The following MAF variants were observed in gnomAD, a reference collection of about 807,000 sequenced individuals.
MAF encodes the protein transcription factor Maf.
In MAF, 10 loss-of-function variants were observed where a neutral mutation model predicts 22.0. That is an observed-to-expected ratio of 0.45 (90% CI 0.28 to 0.77). MAF has a LOEUF of 0.77. Among genes scored for constraint, MAF ranks in the 30% least tolerant of loss-of-function variants. The pLI is 0.12. For synonymous variants in MAF, 337 were observed against 255.8 expected, an observed-to-expected ratio of 1.32 and a Z score of -3.03; for missense variants, 544 against 548.4, an observed-to-expected ratio of 0.99 and a Z score of 0.08.
At chr16:79,454,304 G>A in the MAF span, among the ~76,000 whole-genome samples, 5 of 152,266 alleles carry the variant, frequency 3.3e-5, no homozygotes, top group East Asian at 1.9e-4. Context: ...AAATGGTGGG[G>A]CATCAGGGTG....
intron 1 of MAF, chr16:79,594,987 C>A: frequency 1.9e-6 from 2 of 1,078,326 alleles, no homozygotes; most frequent in African/African-American, 1.6e-5. Flanking sequence ...CATGAGATAA[C>A]TGCAATAACT....
chr16:79,288,481 A>G, the MAF span, among the ~76,000 whole-genome samples: 1 of 152,166 alleles, frequency 6.6e-6, no homozygotes, highest in Non-Finnish European at 1.5e-5. Context: ...GGGAGTCATC[A>G]CAGTTTAGCT....
chr16:79,568,305 T>C, the MAF span, among the ~76,000 whole-genome samples: 2 of 152,298 alleles, frequency 1.3e-5, no homozygotes, highest in Admixed American at 6.5e-5. Flanking sequence ...TGGGTTCCTG[T>C]TGTAACTCAC....
At chr16:79,547,153 A>C in the MAF span, among the ~76,000 whole-genome samples, 2 of 152,034 alleles carry the variant, frequency 1.3e-5, no homozygotes, top group African/African-American at 4.8e-5. Context: ...GGACTTGGTG[A>C]CATGGAAACA....
At chr16:79,512,299 C>G in the MAF span, among the ~76,000 whole-genome samples, 2 of 152,164 alleles carry the variant, frequency 1.3e-5, no homozygotes, top group Non-Finnish European at 2.9e-5. Context: ...GTCGTTTCTC[C>G]ACGAAGCCAG....
the MAF span, among the ~76,000 whole-genome samples, chr16:79,567,212 G>A: frequency 3.9e-5 from 6 of 152,256 alleles, no homozygotes; most frequent in East Asian, 1.2e-3. Context: ...CAGCTACTTG[G>A]GAGGCTGAGG....
At chr16:79,511,227 C>T in the MAF span, among the ~76,000 whole-genome samples, 7 of 151,344 alleles carry the variant, frequency 4.6e-5, no homozygotes, top group Non-Finnish European at 1.0e-4. Context: ...ATGCCAACCC[C>T]GAAAAGGAGT....
chr16:79,330,966 T>C, the MAF span, among the ~76,000 whole-genome samples: 1 of 152,166 alleles, frequency 6.6e-6, no homozygotes, highest in African/African-American at 2.4e-5. Context: ...AGGCCAACCC[T>C]GTGAGTGGCG....
chr16:79,559,118 T>C, the MAF span, among the ~76,000 whole-genome samples: 166 of 152,316 alleles, frequency 1.1e-3, no homozygotes, highest in African/African-American at 3.7e-3. Context: ...ACACCAGTGT[T>C]GAGCCTGAGG....
the MAF span, among the ~76,000 whole-genome samples, chr16:79,520,036 G>A: frequency 7.2e-5 from 11 of 152,218 alleles, no homozygotes; most frequent in South Asian, 6.2e-4. Flanking sequence ...TACCCCAAGC[G>A]TGTGCTGACA....
the MAF span, among the ~76,000 whole-genome samples, chr16:79,537,828 T>C: frequency 3.3e-5 from 5 of 152,204 alleles, no homozygotes; most frequent in African/African-American, 9.7e-5. Context: ...AACCTCAGAA[T>C]GACAGTCGCC....
chr16:79,449,844 A>C, the MAF span, among the ~76,000 whole-genome samples: 2 of 152,218 alleles, frequency 1.3e-5, no homozygotes, highest in African/African-American at 4.8e-5. Context: ...GAGGTTCAAG[A>C]TTAGATCTTA....
At chr16:79,210,016 C>A in the MAF span, among the ~76,000 whole-genome samples, 2 of 152,178 alleles carry the variant, frequency 1.3e-5, no homozygotes, top group Non-Finnish European at 2.9e-5. Flanking sequence ...AGGTAACAAA[C>A]CAGCTACTAT....
At chr16:79,379,048 C>T in the MAF span, among the ~76,000 whole-genome samples, 2 of 152,264 alleles carry the variant, frequency 1.3e-5, no homozygotes, top group Admixed American at 1.3e-4. Flanking sequence ...TTTCTCTTTG[C>T]CAGGAGGCAT....
At chr16:79,396,520 A>T in the MAF span, among the ~76,000 whole-genome samples, 1 of 152,224 alleles carries the variant, frequency 6.6e-6, no homozygotes, top group Non-Finnish European at 1.5e-5. Context: ...TCCCAATAGG[A>T]AGGCATTGTG....
At chr16:79,233,457 G>A in the MAF span, among the ~76,000 whole-genome samples, 2 of 151,926 alleles carry the variant, frequency 1.3e-5, no homozygotes, top group African/African-American at 2.4e-5. Flanking sequence ...CAAGGTGGAT[G>A]TCATCTCCCA....
At chr16:79,424,567 T>A in the MAF span, among the ~76,000 whole-genome samples, 30 of 152,212 alleles carry the variant, frequency 2.0e-4, 1 homozygote, top group East Asian at 5.8e-3. Context: ...CTTCTGATTT[T>A]TAAAGGAAAT....
At chr16:79,588,405 G>T (rs1361623121) in intron 1 of MAF, among the ~76,000 whole-genome samples, 1 of 152,146 alleles carries the variant, frequency 6.6e-6, no homozygotes, top group Non-Finnish European at 1.5e-5. Context: ...ATTTCATAAA[G>T]TGGGAACTGT....
At chr16:79,389,957 A>G in the MAF span, among the ~76,000 whole-genome samples, 48 of 137,614 alleles carry the variant, frequency 3.5e-4, no homozygotes, top group Non-Finnish European at 7.1e-4. Context: ...AGCACGGGCA[A>G]CACAGCGAGA....
Sources: allele counts gnomAD v4.1 joint callset (sites outside exome capture counted in the v4.1 genomes callset), GRCh38; gene constraint gnomAD v4.1.1; transcripts MANE v1.5; gene names NCBI Gene and HGNC (gene_info 2026-07-23, HGNC 2026-07-21).